The following RAPGEF2 variants were observed in gnomAD, a reference collection of about 807,000 sequenced individuals.
RAPGEF2 encodes Rap guanine nucleotide exchange factor 2.
RAPGEF2 carries 54 observed loss-of-function variants against 186.7 expected under a neutral mutation model. The observed-to-expected ratio is 0.29, with a 90% CI of 0.23 to 0.36. The LOEUF (loss-of-function observed/expected upper bound fraction) is 0.36. Among genes scored for constraint, RAPGEF2 ranks in the 10% least tolerant of loss-of-function variants. The probability of loss-of-function intolerance (pLI) is 1.00; values close to 1 mark genes in which losing one functional copy is unlikely to be tolerated. For synonymous variants in RAPGEF2, 712 were observed against 705.9 expected (o/e 1.01, Z -0.14); for missense variants, 1,532 against 2,045.0 (o/e 0.75, Z 4.84).
At chr4:159,296,063 G>A (rs942577869) in intron 7 of RAPGEF2, among the ~76,000 whole-genome samples, 6 of 152,150 alleles carry the variant, frequency 3.9e-5, no homozygotes, top group Non-Finnish European at 7.4e-5. Flanking sequence ...AACGAGGCCT[G>A]AATATGTGAT....
In RAPGEF2 at chr4:159,131,554, G is replaced by C. The variant is rs138756926; in HGVS notation, c.69+27323G>C. Among the ~76,000 whole-genome samples the C allele has an allele frequency of 7.3e-3, 203 of 27,732 alleles. 1 individual carries two copies. The highest frequency in any genetic ancestry group is 0.033 in the African/African-American group (193 of 5,806). The allele number at this position is 27,732 out of a possible 152,430, so 18.2% of individuals were successfully genotyped here. A position where few individuals can be genotyped will look rare whatever the true frequency, so the allele number is the denominator to read the frequency against. ...TTTTTTTTTTTTTTTTTTAGCTTTT[G>C]CTGTTGTTGTTTTTGTTCAGTCAGC... On this transcript the variant is annotated intron_variant, in intron 1 of 29. Transcript: ENST00000691494.
chr4:159,111,471 A>G (rs957374093), intron 1 of RAPGEF2, among the ~76,000 whole-genome samples: 4 of 152,228 alleles, frequency 2.6e-5, no homozygotes, highest in Admixed American at 2.6e-4. Flanking sequence ...ACACAGTGTA[A>G]TATCTGCCCC....
chr4:159,330,451 G>A lies in RAPGEF2; in HGVS notation c.1420G>A (p.Gly474Ser). 4 of 1,606,320 alleles carry A rather than the reference G, an allele frequency of 2.5e-6. No homozygotes were observed. Among genetic ancestry groups the A allele is most frequent in the Admixed American group, 1.7e-5 (1 of 57,590 alleles). The change falls in exon 13 of 30, where the codon GGC becomes AGC. Residue 474 changes from glycine to serine, a missense_variant. Coordinates refer to ENST00000691494, the MANE Select transcript of RAPGEF2 (RefSeq NM_001394067.2). ...TTTTCTTTCTAGCCCAATGGAAGTG[G>A]GCAAAAAGTTATTGGAGTGGTTTAA... ...RTFLSSPMEV[G>S]KKLLEWFNDP...
At chr4:159,190,948 G>A (rs1323365989) in intron 2 of RAPGEF2, among the ~76,000 whole-genome samples, 2 of 152,196 alleles carry the variant, frequency 1.3e-5, no homozygotes, top group Non-Finnish European at 2.9e-5. Flanking sequence ...TTCATATTCT[G>A]TCTTAGATAT....
intron 7 of RAPGEF2, among the ~76,000 whole-genome samples, chr4:159,280,982 ACTT>A (rs145564659): frequency 7.1e-6 from 1 of 141,444 alleles, no homozygotes; most frequent in Non-Finnish European, 1.5e-5. Context: ...TAATTTAACT[ACTT>A]CTTTTTTTTT....
chr4:159,210,278 C>G (rs909273591), intron 3 of RAPGEF2, among the ~76,000 whole-genome samples: 2 of 152,114 alleles, frequency 1.3e-5, no homozygotes, highest in African/African-American at 4.8e-5. Context: ...ACATTTGAAA[C>G]ATTTAAATGT....
intron 4 of RAPGEF2, among the ~76,000 whole-genome samples, chr4:159,216,773 C>G (rs10002079): frequency 0.16 from 24,339 of 152,050 alleles, 4,000 homozygotes; most frequent in African/African-American, 0.42. Context: ...TGACTGTGTC[C>G]ATTTACAATT....
intron 13 of RAPGEF2, chr4:159,330,757 T>C: frequency 2.7e-6 from 1 of 364,184 alleles, no homozygotes; most frequent in East Asian, 6.7e-5. Context: ...TGTTTAAACA[T>C]TTTTTTAAGT....
intron 7 of RAPGEF2, chr4:159,267,791 CTTTTTTTT>C (rs200359653): frequency 7.6e-6 from 7 of 915,228 alleles, no homozygotes; most frequent in Non-Finnish European, 9.0e-6. Flanking sequence ...TAGCTTTTTT[CTTTTTTTT>C]TTTTTTTTCC....
intron 7 of RAPGEF2, among the ~76,000 whole-genome samples, chr4:159,254,069 G>A (rs762376078): frequency 2.0e-5 from 3 of 152,162 alleles, no homozygotes; most frequent in South Asian, 2.1e-4. Context: ...CAAACTTCTC[G>A]CTTCATCATA....
At chr4:159,197,095 C>T (rs1748727529) in intron 3 of RAPGEF2, among the ~76,000 whole-genome samples, 1 of 152,136 alleles carries the variant, frequency 6.6e-6, no homozygotes, top group African/African-American at 2.4e-5. Flanking sequence ...ATATGAATTC[C>T]TCACCAGAGG....
At chr4:159,314,924 G>GA (rs1764370499) in intron 9 of RAPGEF2, among the ~76,000 whole-genome samples, 156 bp downstream of exon 9, 1 of 151,680 alleles carries the variant, frequency 6.6e-6, no homozygotes, top group African/African-American at 2.4e-5. Context: ...ACAAAAATTG[G>GA]AAAAAATCAG....
intron 7 of RAPGEF2, among the ~76,000 whole-genome samples, chr4:159,279,804 G>A (rs1007787812): frequency 2.6e-5 from 4 of 151,824 alleles, no homozygotes; most frequent in South Asian, 4.2e-4. Context: ...TCAGCCTCCC[G>A]AGTAGCTGGG....
At chr4:159,109,311 G>A (rs1481252696) in intron 1 of RAPGEF2, among the ~76,000 whole-genome samples, 2 of 152,072 alleles carry the variant, frequency 1.3e-5, no homozygotes, top group African/African-American at 4.8e-5. Flanking sequence ...GGGCATCATA[G>A]CAAGGCCCCG....
At position 159,355,901 on chromosome 4, in the gene RAPGEF2, A is replaced by G; in HGVS notation, c.4700A>G (p.Tyr1567Cys). ...YREPPPTPPG[Y>C]IGIPITDFPE... ...GAGCCCCCGCCCACCCCTCCCGGCT[A>G]CATTGGAATTCCCATTACTGACTTT... Residue 1567 changes from tyrosine to cysteine, a missense_variant, in exon 29 of 30, where the codon TAC becomes TGC. By Grantham distance (194) the Tyr-to-Cys change is radical. Coordinates refer to ENST00000691494, the MANE Select transcript of RAPGEF2 (RefSeq NM_001394067.2). 1 of 900,260 alleles carries G rather than the reference A, an allele frequency of 1.1e-6. No individual in the cohort carries two copies. The highest frequency in any genetic ancestry group is 1.6e-6 in the Non-Finnish European group (1 of 621,292). 55.8% of individuals were successfully genotyped at this position (900,260 alleles called of 1,614,324 possible).
At chr4:159,109,042 A>G (rs1020850894) in intron 1 of RAPGEF2, among the ~76,000 whole-genome samples, 7 of 152,202 alleles carry the variant, frequency 4.6e-5, no homozygotes, top group Non-Finnish European at 8.8e-5. Flanking sequence ...TTGAAATTCA[A>G]GTTGCATAAA....
intron 7 of RAPGEF2, among the ~76,000 whole-genome samples, chr4:159,277,550 A>G (rs1759079064): frequency 6.6e-6 from 1 of 152,296 alleles, no homozygotes; most frequent in East Asian, 1.9e-4. Flanking sequence ...CAACAGTGTA[A>G]AAGTGTTCCT....
intron 1 of RAPGEF2, among the ~76,000 whole-genome samples, chr4:159,152,554 C>T (rs531964016): frequency 5.9e-5 from 9 of 152,208 alleles, no homozygotes; most frequent in Admixed American, 2.0e-4. Flanking sequence ...AGAAAAATTG[C>T]GGAGATGGTC....
intron 25 of RAPGEF2, among the ~76,000 whole-genome samples, chr4:159,349,672 T>G (rs1730893955): frequency 1.3e-5 from 2 of 152,246 alleles, no homozygotes. Context: ...GACTCTGTAC[T>G]CTTCTCCCTT....
Sources: allele counts gnomAD v4.1 joint callset (sites outside exome capture counted in the v4.1 genomes callset), GRCh38; gene constraint gnomAD v4.1.1; transcripts MANE v1.5; gene names NCBI Gene and HGNC (gene_info 2026-07-23, HGNC 2026-07-21).